EFR3A: variants seen among roughly 807,000 people sequenced by gnomAD.
EFR3A encodes the protein protein EFR3 homolog A.
A neutral mutation model predicts 104.4 loss-of-function variants in EFR3A; 76 were observed. The observed-to-expected ratio is 0.73, with a 90% CI of 0.60 to 0.88. The LOEUF is 0.88. EFR3A is among the 40% of genes least tolerant of loss of function. EFR3A has a pLI of 0.00. For missense variants in EFR3A, 985 were observed against 1,012.5 expected (o/e 0.97, Z 0.37); for synonymous variants, 330 against 330.0 (o/e 1.00, Z 0.00).
chr8:131,986,400 ATTTAATTAT>A (rs1820884317), intron 17 of EFR3A, 139 bp downstream of exon 17: 1 of 408,848 alleles, frequency 2.4e-6, no homozygotes, highest in Non-Finnish European at 4.3e-6. Flanking sequence ...CATTTAATTC[ATTTAATTAT>A]TTCCCTTGTT....
chr8:131,972,184 A>G (rs1820092580), intron 10 of EFR3A, among the ~76,000 whole-genome samples: 1 of 151,162 alleles, frequency 6.6e-6, no homozygotes, highest in Non-Finnish European at 1.5e-5. Context: ...GTAGTTAATC[A>G]TTTTAGTGCT....
At chr8:131,941,263 CT>C (rs1330993884) in intron 2 of EFR3A, among the ~76,000 whole-genome samples, 1 of 151,936 alleles carries the variant, frequency 6.6e-6, no homozygotes, top group Non-Finnish European at 1.5e-5. Flanking sequence ...TTCAAAGCAA[CT>C]GGTTGGGGTG....
At chr8:131,953,686 T>C (rs1435934125) in intron 5 of EFR3A, 132 bp from the exon 6 acceptor site, 3 of 886,080 alleles carry the variant, frequency 3.4e-6, no homozygotes, top group Non-Finnish European at 3.1e-6. Context: ...CTTAGACTTG[T>C]GTGTTATTTT....
intron 1 of EFR3A, among the ~76,000 whole-genome samples, chr8:131,935,212 A>T (rs931971025): frequency 1.3e-5 from 2 of 152,200 alleles, no homozygotes; most frequent in African/African-American, 4.8e-5. Context: ...TTTATGGTGG[A>T]CAGTGTACTT....
At chr8:131,975,148 CAAGT>C (rs1424647610) in intron 10 of EFR3A, among the ~76,000 whole-genome samples, 1 of 152,138 alleles carries the variant, frequency 6.6e-6, no homozygotes, top group Non-Finnish European at 1.5e-5. Flanking sequence ...AGAAAAATGA[CAAGT>C]AAGTTATTTA....
chr8:131,936,257 G>T (rs575863883), intron 1 of EFR3A, among the ~76,000 whole-genome samples: 6 of 152,128 alleles, frequency 3.9e-5, no homozygotes, highest in Admixed American at 3.9e-4. Flanking sequence ...GAATTTTCTT[G>T]CAGTGTTGAG....
intron 22 of EFR3A, 77 bp downstream of exon 22, chr8:132,003,362 T>A: frequency 7.7e-7 from 1 of 1,306,516 alleles, no homozygotes; most frequent in Non-Finnish European, 1.1e-6. Flanking sequence ...AATTTGTGGT[T>A]CATTATGTTT....
intron 8 of EFR3A, among the ~76,000 whole-genome samples, chr8:131,962,593 C>T (rs1819430041): frequency 6.6e-6 from 1 of 152,148 alleles, no homozygotes; most frequent in Non-Finnish European, 1.5e-5. Flanking sequence ...GACGTAGACT[C>T]CCACACAATA....
chr8:131,922,054 G>C (rs1457672699), intron 1 of EFR3A, among the ~76,000 whole-genome samples: 1 of 152,172 alleles, frequency 6.6e-6, no homozygotes, highest in East Asian at 1.9e-4. Flanking sequence ...AGGCTCTAGG[G>C]AAGAATACTT....
At chr8:131,912,160 C>T (rs1422083962) in intron 1 of EFR3A, among the ~76,000 whole-genome samples, 1 of 152,056 alleles carries the variant, frequency 6.6e-6, no homozygotes, top group African/African-American at 2.4e-5. Flanking sequence ...TGAGGCCCAA[C>T]AATAGGTTAA....
At chr8:131,965,536 G>A (rs1218381551) in intron 8 of EFR3A, among the ~76,000 whole-genome samples, 2 of 152,144 alleles carry the variant, frequency 1.3e-5, no homozygotes, top group Non-Finnish European at 2.9e-5. Flanking sequence ...AATTAGAATG[G>A]CAATCATTAA....
At position 131,904,372 on chromosome 8, in the gene EFR3A, G is replaced by C. The variant is rs545272903; in HGVS notation, c.10+50G>C. 9.0e-5 allele frequency: 112 copies of C among 1,242,156 alleles called. 1 individual carries two copies. In the South Asian group the frequency reaches 1.1e-3, roughly 12 times the overall value. The allele number at this position is 1,242,156 out of a possible 1,614,324, so 76.9% of individuals were successfully genotyped here. A position where few individuals can be genotyped will look rare whatever the true frequency, so the allele number is the denominator to read the frequency against. On this transcript the variant is annotated intron_variant, in intron 1 of 22. Coordinates refer to ENST00000254624, the MANE Select transcript of EFR3A (RefSeq NM_015137.6). ...GGCGTTGGGAGGCGACTGCCTGCGC[G>C]ACGCGCTTGGGCCGGGTACTCCTCC...
chr8:131,991,806 T>C (rs747898194), intron 18 of EFR3A, among the ~76,000 whole-genome samples: 1 of 151,980 alleles, frequency 6.6e-6, no homozygotes, highest in Non-Finnish European at 1.5e-5. Flanking sequence ...GGAATGTGGG[T>C]GCTAGGAAGT....
chr8:131,977,024 C>A lies in EFR3A; in HGVS notation c.1275-17C>A, dbSNP rs1019775127. Reference sequence around the variant, plus strand: ...AATGCTAATTAGTATAATAATTCAGCCTTTTGTATATTTTAGGGATTTGGG... The same window carrying A: ...AATGCTAATTAGTATAATAATTCAGACTTTTGTATATTTTAGGGATTTGGG... On this transcript the variant is annotated splice_polypyrimidine_tract_variant and intron_variant, in intron 11 of 22. Coordinates refer to ENST00000254624, the MANE Select transcript of EFR3A (RefSeq NM_015137.6). The A allele has an allele frequency of 4.5e-6, 7 of 1,562,478 alleles. No individual in the cohort carries two copies. Among genetic ancestry groups the A allele is most frequent in the Admixed American group, 1.8e-5 (1 of 56,496 alleles).
At chr8:131,974,228 C>T (rs1820213943) in intron 10 of EFR3A, among the ~76,000 whole-genome samples, 2 of 152,300 alleles carry the variant, frequency 1.3e-5, no homozygotes, top group South Asian at 2.1e-4. Flanking sequence ...TGCAGCAAAG[C>T]TTGGGAACCA....
At chr8:131,972,307 C>A (rs1465328260) in intron 10 of EFR3A, among the ~76,000 whole-genome samples, 1 of 147,812 alleles carries the variant, frequency 6.8e-6, no homozygotes, top group East Asian at 2.0e-4. Flanking sequence ...CGGTTCCAGA[C>A]GAATTCTGTA....
At chr8:131,911,769 A>G (rs1295446937) in intron 1 of EFR3A, among the ~76,000 whole-genome samples, 1 of 152,234 alleles carries the variant, frequency 6.6e-6, no homozygotes, top group Admixed American at 6.5e-5. Context: ...TCTAATGTTA[A>G]TAGACTGAGT....
intron 10 of EFR3A, among the ~76,000 whole-genome samples, chr8:131,972,492 C>G (rs540175930): frequency 2.9e-4 from 43 of 150,588 alleles, no homozygotes; most frequent in Non-Finnish European, 5.5e-4. Context: ...AGTCAAAGTA[C>G]AAACAGTGAA....
chr8:131,989,564 G>A (rs1009696081), intron 18 of EFR3A, among the ~76,000 whole-genome samples: 10 of 152,160 alleles, frequency 6.6e-5, no homozygotes, highest in Non-Finnish European at 1.5e-5. Context: ...TCTCCAGTTA[G>A]TTGCTTAATA....
Sources: gnomAD v4.1 joint callset for allele counts (sites outside exome capture counted in the v4.1 genomes callset) on GRCh38, gnomAD v4.1.1 for gene constraint, MANE v1.5 for transcripts, NCBI Gene and HGNC (gene_info 2026-07-23, HGNC 2026-07-21) for gene names.